MACROD2: variants seen among roughly 807,000 people sequenced by gnomAD.
MACROD2 encodes the protein ADP-ribose glycohydrolase MACROD2.
In MACROD2, 36 loss-of-function variants were observed where a neutral mutation model predicts 70.4. The observed-to-expected ratio is 0.51, with a 90% CI of 0.39 to 0.68. MACROD2 has a LOEUF of 0.68. MACROD2 is among the 30% of genes least tolerant of loss of function. MACROD2 has a pLI of 0.00. For missense variants in MACROD2, 496 were observed against 538.4 expected, an observed-to-expected ratio of 0.92 and a Z score of 0.78; for synonymous variants, 172 against 178.8, an observed-to-expected ratio of 0.96 and a Z score of 0.30.
At chr20:15,377,556 G>A (rs148504744) in intron 6 of MACROD2, among the ~76,000 whole-genome samples, 11 of 152,192 alleles carry the variant, frequency 7.2e-5, no homozygotes, top group African/African-American at 2.4e-4. Flanking sequence ...GTGTGAATTC[G>A]AACATTTATT....
chr20:15,319,920 T>C (rs547387911), intron 6 of MACROD2, among the ~76,000 whole-genome samples: 9 of 152,312 alleles, frequency 5.9e-5, no homozygotes, highest in African/African-American at 2.2e-4. Flanking sequence ...TCCATAGTTA[T>C]AGAAATTAGT....
At chr20:14,511,887 A>C (rs922343893) in intron 4 of MACROD2, among the ~76,000 whole-genome samples, 4 of 151,668 alleles carry the variant, frequency 2.6e-5, no homozygotes, top group Non-Finnish European at 5.9e-5. Context: ...TCTAACCTCA[A>C]TTCTTCCATA....
intron 5 of MACROD2, among the ~76,000 whole-genome samples, chr20:14,921,824 A>T (rs146808487): frequency 6.6e-6 from 1 of 152,200 alleles, no homozygotes; most frequent in Non-Finnish European, 1.5e-5. Flanking sequence ...TATTTACTCA[A>T]ACATTTCCAT....
chr20:15,156,701 G>A (rs1459664085), intron 5 of MACROD2, among the ~76,000 whole-genome samples: 1 of 152,164 alleles, frequency 6.6e-6, no homozygotes, highest in Non-Finnish European at 1.5e-5. Flanking sequence ...GGAATAGAGT[G>A]CCTGGGGGAG....
chr20:15,962,695 C>G (rs989285620), intron 12 of MACROD2, among the ~76,000 whole-genome samples: 1 of 152,150 alleles, frequency 6.6e-6, no homozygotes, highest in African/African-American at 2.4e-5. Context: ...TAAGGAACAT[C>G]AACCTGTCCC....
chr20:14,551,191 G>C (rs1330072756), intron 4 of MACROD2, among the ~76,000 whole-genome samples: 2 of 152,094 alleles, frequency 1.3e-5, no homozygotes, highest in Non-Finnish European at 2.9e-5. Flanking sequence ...TGAAAATTAA[G>C]ATTTAATTTG....
rs1294717007 is a variant in MACROD2, at chr20:15,151,564, G to A, written c.419-78376G>A. Among the ~76,000 whole-genome samples the A allele has an allele frequency of 2.6e-5, 4 of 152,120 alleles. No homozygotes were observed. In the East Asian group the frequency reaches 5.8e-4, roughly 22 times the overall value. ...TCGGGAGCAGATTGGGTAATAAAAT[G>A]TATATTAAGAATAAGACGGCCTTTT... On this transcript the variant is annotated intron_variant, in intron 5 of 17. Transcript: ENST00000684519.
At chr20:15,863,467 C>T (rs1197694149) in intron 9 of MACROD2, among the ~76,000 whole-genome samples, 1 of 152,150 alleles carries the variant, frequency 6.6e-6, no homozygotes, top group Non-Finnish European at 1.5e-5. Flanking sequence ...TGTTTTTCTC[C>T]ACTCTCCCTC....
intron 3 of MACROD2, among the ~76,000 whole-genome samples, chr20:14,310,940 C>A (rs760193731): frequency 6.6e-6 from 1 of 151,770 alleles, no homozygotes. Flanking sequence ...CTGTACAACG[C>A]GTTTGTGTTT....
chr20:15,238,101 C>G (rs1159035068), intron 6 of MACROD2, among the ~76,000 whole-genome samples: 2 of 152,086 alleles, frequency 1.3e-5, no homozygotes, highest in African/African-American at 4.8e-5. Context: ...GTTTGCTGAG[C>G]CTGATAGAAT....
At chr20:14,295,575 G>C (rs1358803386) in intron 3 of MACROD2, among the ~76,000 whole-genome samples, 2 of 151,700 alleles carry the variant, frequency 1.3e-5, no homozygotes, top group East Asian at 1.9e-4. Context: ...TGGGGGGGCT[G>C]GGGGGAGTGG....
chr20:16,007,856 A>G (rs1478615510), intron 15 of MACROD2, among the ~76,000 whole-genome samples: 1 of 152,122 alleles, frequency 6.6e-6, no homozygotes, highest in East Asian at 1.9e-4. Context: ...ACCTAATTGT[A>G]ACTTACCCAA....
At chr20:14,222,153 A>G (rs1452865011) in intron 3 of MACROD2, among the ~76,000 whole-genome samples, 1 of 151,966 alleles carries the variant, frequency 6.6e-6, no homozygotes, top group Non-Finnish European at 1.5e-5. Flanking sequence ...AAAGGAAAAT[A>G]AATCATTATA....
intron 5 of MACROD2, among the ~76,000 whole-genome samples, chr20:15,101,193 G>T (rs1460755783): frequency 6.6e-6 from 1 of 152,096 alleles, no homozygotes; most frequent in Non-Finnish European, 1.5e-5. Flanking sequence ...GGCAGAGATA[G>T]TAAAATGGAT....
At chr20:15,746,204 T>TA (rs2051180657) in intron 8 of MACROD2, among the ~76,000 whole-genome samples, 1 of 152,136 alleles carries the variant, frequency 6.6e-6, no homozygotes, top group Non-Finnish European at 1.5e-5. Flanking sequence ...TAGAGCTTTA[T>TA]AATTTTTTTT....
At chr20:14,821,049 C>G (rs943685179) in intron 5 of MACROD2, among the ~76,000 whole-genome samples, 10 of 152,192 alleles carry the variant, frequency 6.6e-5, no homozygotes, top group Non-Finnish European at 1.3e-4. Flanking sequence ...ACCTGCTAAG[C>G]CTCCTAGTCT....
chr20:14,139,865 T>C (rs373433028), intron 3 of MACROD2, among the ~76,000 whole-genome samples: 41 of 152,278 alleles, frequency 2.7e-4, no homozygotes, highest in African/African-American at 9.4e-4. Context: ...TCTGACTTCA[T>C]GTGAAGGGTC....
At chr20:15,495,970 C>T (rs1448463614) in intron 7 of MACROD2, among the ~76,000 whole-genome samples, 1 of 152,078 alleles carries the variant, frequency 6.6e-6, no homozygotes, top group Non-Finnish European at 1.5e-5. Context: ...GGCCTTATGA[C>T]AGGAAGGCAA....
chr20:15,906,186 C>T (rs1212041335), intron 10 of MACROD2, among the ~76,000 whole-genome samples: 2 of 152,166 alleles, frequency 1.3e-5, no homozygotes, highest in Non-Finnish European at 2.9e-5. Context: ...AAACTGCCAC[C>T]CTTGGGAGAA....
Sources: allele counts gnomAD v4.1 joint callset (sites outside exome capture counted in the v4.1 genomes callset), GRCh38; gene constraint gnomAD v4.1.1; transcripts MANE v1.5; gene names NCBI Gene and HGNC (gene_info 2026-07-23, HGNC 2026-07-21).